The following ERG variants were observed in gnomAD, a reference collection of about 807,000 sequenced individuals.
The protein encoded by ERG is ETS transcription factor ERG.
Under a neutral mutation model 55.3 loss-of-function variants are expected in ERG, and 9 were observed. The observed-to-expected ratio is 0.16, with a 90% confidence interval of 0.10 to 0.28. The LOEUF (loss-of-function observed/expected upper bound fraction) is 0.28, where lower values mean the gene tolerates loss of function less well. Among genes scored for constraint, ERG ranks in the 10% least tolerant of loss-of-function variants. ERG has a pLI of 1.00. For synonymous variants in ERG, 223 were observed against 237.3 expected (o/e 0.94, Z 0.55); for missense variants, 434 against 631.6 (o/e 0.69, Z 3.35).
intron 1 of ERG, among the ~76,000 whole-genome samples, chr21:38,598,441 T>C (rs1484768727): frequency 2.0e-5 from 3 of 152,150 alleles, no homozygotes; most frequent in African/African-American, 7.2e-5. Context: ...AGTTTTAGTT[T>C]CCTAACCTGG....
intron 2 of ERG, among the ~76,000 whole-genome samples, chr21:38,510,781 T>C (rs568507670): frequency 9.1e-4 from 139 of 152,314 alleles, no homozygotes; most frequent in Non-Finnish European, 1.2e-3. Flanking sequence ...AAAAAAGGAA[T>C]TGACAGTACA....
chr21:38,553,054 G>T (rs1005627323), intron 2 of ERG, among the ~76,000 whole-genome samples: 1 of 151,994 alleles, frequency 6.6e-6, no homozygotes, highest in Non-Finnish European at 1.5e-5. Flanking sequence ...CAATGTCCAA[G>T]CTGAGAGCCA....
In ERG at chr21:38,460,529, C is replaced by G. The variant is rs1370309452; in HGVS notation, c.19-14908G>C. On this transcript the variant is annotated intron_variant, in intron 1 of 9. Transcript: ENST00000288319. The surrounding 1 kb of genome is among the most constrained non-coding windows in gnomAD (Gnocchi z 5.0). ...ACACCTAATAAAATGTTACAGCCAT[C>G]CTTTGTCCCACATGCAACGGGAACT... is the stretch of plus-strand genomic sequence containing the variant. Among the ~76,000 whole-genome samples the G allele has an allele frequency of 6.6e-6, 1 of 152,174 alleles. No homozygotes were observed. Among genetic ancestry groups the G allele is most frequent in the Non-Finnish European group, 1.5e-5 (1 of 68,038 alleles).
chr21:38,643,645 C>T (rs1469137906), intron 1 of ERG, among the ~76,000 whole-genome samples: 2 of 152,188 alleles, frequency 1.3e-5, no homozygotes, highest in Admixed American at 1.3e-4. Flanking sequence ...GGGCAACACT[C>T]ACAAGCTGCA....
At position 38,491,973 on chromosome 21, in the gene ERG, G is replaced by A. The variant is rs552128010; in HGVS notation, c.18+6390C>T. On this transcript the variant is annotated intron_variant, in intron 1 of 9. Transcript: ENST00000288319. The stretch of plus-strand genomic sequence containing the variant: ...AGAGTATAAGAATTGCTGCCTATGG[G>A]ATTTTTCCCAGAAGAGTAGATAACA... Among the ~76,000 whole-genome samples, 435 of 82,544 alleles carry A rather than the reference G, an allele frequency of 5.3e-3. 10 individuals carry two copies. The highest frequency in any genetic ancestry group is 0.012 in the African/African-American group (416 of 34,294). The allele number at this position is 82,544 out of a possible 152,430, so 54.2% of individuals were successfully genotyped here. A position where few individuals can be genotyped will look rare whatever the true frequency, so the allele number is the denominator to read the frequency against.
intron 2 of ERG, among the ~76,000 whole-genome samples, chr21:38,533,752 C>T (rs1474102539): frequency 6.6e-6 from 1 of 152,146 alleles, no homozygotes; most frequent in Non-Finnish European, 1.5e-5. Flanking sequence ...CCGCAAAGGG[C>T]GTAAACTAAC....
intron 2 of ERG, among the ~76,000 whole-genome samples, chr21:38,560,984 GT>G (rs1260099059): frequency 7.3e-5 from 11 of 151,640 alleles, no homozygotes; most frequent in African/African-American, 2.4e-5. Context: ...CAATCAAAAG[GT>G]TTTCTAACAC....
At chr21:38,586,373 A>T (rs572126567), upstream of ERG, among the ~76,000 whole-genome samples, 2 of 152,110 alleles carry the variant, frequency 1.3e-5, no homozygotes, top group South Asian at 4.2e-4. Context: ...CAGTCAATAG[A>T]TCATAGGTCT....
intron 1 of ERG, among the ~76,000 whole-genome samples, chr21:38,616,997 G>A (rs1408660414): frequency 5.9e-5 from 9 of 152,056 alleles, no homozygotes; most frequent in Admixed American, 5.9e-4. Context: ...ATATATTGAG[G>A]GATATGACAT....
At chr21:38,634,755 T>C (rs891374682) in intron 1 of ERG, among the ~76,000 whole-genome samples, 4 of 152,238 alleles carry the variant, frequency 2.6e-5, no homozygotes, top group Admixed American at 1.3e-4. Flanking sequence ...TGGATGCAGA[T>C]TGATGATCCA....
intron 2 of ERG, among the ~76,000 whole-genome samples, chr21:38,528,433 C>CATTT: frequency 4.3e-5 from 1 of 23,506 alleles, no homozygotes; most frequent in African/African-American, 1.9e-4. Flanking sequence ...CCATAGCAAA[C>CATTT]TTTTTTTTTT....
chr21:38,457,477 C>T (rs2059001439), intron 1 of ERG, among the ~76,000 whole-genome samples: 1 of 151,736 alleles, frequency 6.6e-6, no homozygotes, highest in South Asian at 2.1e-4. Context: ...TAAAAGTGTG[C>T]AGAGTCATTC....
At chr21:38,605,684 C>A (rs576763156) in intron 1 of ERG, among the ~76,000 whole-genome samples, 33 of 152,284 alleles carry the variant, frequency 2.2e-4, no homozygotes, top group Admixed American at 2.2e-3. Context: ...CAGCTTATGA[C>A]CCAAGAGAAG....
chr21:38,645,193 C>T (rs572913255), intron 1 of ERG, among the ~76,000 whole-genome samples: 191 of 152,160 alleles, frequency 1.3e-3, no homozygotes, highest in African/African-American at 3.4e-3. Context: ...ATTTTAAACC[C>T]TTAAAAATAA....
chr21:38,436,763 T>G (rs2058793894), intron 2 of ERG, among the ~76,000 whole-genome samples: 1 of 152,230 alleles, frequency 6.6e-6, no homozygotes, highest in Non-Finnish European at 1.5e-5. Flanking sequence ...CAGGTAGAGT[T>G]GATGGTACCC....
chr21:38,470,423 G>A (rs2059129297), intron 1 of ERG, among the ~76,000 whole-genome samples: 1 of 152,174 alleles, frequency 6.6e-6, no homozygotes, highest in African/African-American at 2.4e-5. Flanking sequence ...AATCTGCCAA[G>A]CTAAGTCGTA....
intron 2 of ERG, among the ~76,000 whole-genome samples, chr21:38,526,214 C>T (rs771925498): frequency 6.6e-6 from 1 of 152,138 alleles, no homozygotes; most frequent in Non-Finnish European, 1.5e-5. Flanking sequence ...GTAAATAATC[C>T]ATGAGTGGAC....
chr21:38,420,977 T>C (rs1406699816), intron 3 of ERG, among the ~76,000 whole-genome samples: 1 of 152,122 alleles, frequency 6.6e-6, no homozygotes, highest in East Asian at 1.9e-4. Flanking sequence ...CCTTTGGGTG[T>C]CTACTTCACT....
At chr21:38,402,465 T>C (rs1988539327) in intron 5 of ERG, 92 bp downstream of exon 5, 4 of 879,012 alleles carry the variant, frequency 4.6e-6, no homozygotes, top group Admixed American at 4.8e-5. Context: ...TCTGTCTTCC[T>C]GGCACGCGCT....
Sources: allele counts gnomAD v4.1 joint callset (sites outside exome capture counted in the v4.1 genomes callset), GRCh38; gene constraint gnomAD v4.1.1; non-coding constraint Gnocchi (gnomAD v3.1); transcripts MANE v1.5; gene names NCBI Gene and HGNC (gene_info 2026-07-23, HGNC 2026-07-21).